The following STARD13 variants were observed in gnomAD, a reference collection of about 807,000 sequenced individuals.
STARD13 encodes the protein stAR-related lipid transfer protein 13.
A neutral mutation model predicts 106.4 loss-of-function variants in STARD13; 62 were observed. The ratio of observed to expected loss-of-function variants is 0.58; its 90% confidence interval spans 0.48 to 0.72. The LOEUF (loss-of-function observed/expected upper bound fraction) is 0.72, where lower values mean the gene tolerates loss of function less well. STARD13 is among the 30% of genes least tolerant of loss of function. The probability of loss-of-function intolerance (pLI) is 0.00; values close to 1 mark genes in which losing one functional copy is unlikely to be tolerated. For synonymous variants in STARD13, 565 were observed against 553.0 expected, an observed-to-expected ratio of 1.02 and a Z score of -0.31; for missense variants, 1,387 against 1,424.0, an observed-to-expected ratio of 0.97 and a Z score of 0.42.
the STARD13 span, among the ~76,000 whole-genome samples, chr13:33,667,667 A>G: frequency 1.3e-5 from 2 of 152,248 alleles, no homozygotes; most frequent in East Asian, 1.9e-4. Flanking sequence ...ACCACTTGCT[A>G]TCAGTTGTAA....
intron 1 of STARD13, among the ~76,000 whole-genome samples, chr13:33,222,709 T>C (rs1408022337): frequency 6.6e-6 from 1 of 152,216 alleles, no homozygotes; most frequent in Non-Finnish European, 1.5e-5. Flanking sequence ...ATGTTAGAGA[T>C]GAAGAAGAAA....
chr13:33,501,402 G>A, the STARD13 span, among the ~76,000 whole-genome samples: 4 of 152,080 alleles, frequency 2.6e-5, no homozygotes, highest in African/African-American at 7.2e-5. Context: ...GATCCCATTT[G>A]TCTATTTTGG....
At chr13:33,656,627 G>A in the STARD13 span, among the ~76,000 whole-genome samples, 2 of 152,186 alleles carry the variant, frequency 1.3e-5, no homozygotes, top group Admixed American at 6.5e-5. Flanking sequence ...CTTAAACCAG[G>A]AATGGAAATT....
the STARD13 span, among the ~76,000 whole-genome samples, chr13:33,414,680 G>T: frequency 6.6e-6 from 1 of 152,170 alleles, no homozygotes; most frequent in Admixed American, 6.5e-5. Flanking sequence ...ACGGAAAACA[G>T]AACAGGAGGA....
chr13:33,434,631 T>A, the STARD13 span, among the ~76,000 whole-genome samples: 2 of 152,208 alleles, frequency 1.3e-5, no homozygotes, highest in African/African-American at 4.8e-5. Context: ...AATTACTCTC[T>A]TCAAACTGGG....
chr13:33,633,096 T>A, the STARD13 span, among the ~76,000 whole-genome samples: 1 of 152,188 alleles, frequency 6.6e-6, no homozygotes, highest in African/African-American at 2.4e-5. Context: ...TAAATAACAA[T>A]AATGATAAAA....
chr13:33,220,300 ACT>A (rs554717868), intron 1 of STARD13, among the ~76,000 whole-genome samples: 26 of 152,324 alleles, frequency 1.7e-4, no homozygotes, highest in African/African-American at 6.0e-4. Context: ...CATGGAAATA[ACT>A]CTAATTATTT....
the STARD13 span, among the ~76,000 whole-genome samples, chr13:33,513,889 C>T: frequency 9.2e-5 from 14 of 152,080 alleles, no homozygotes; most frequent in East Asian, 3.9e-4. Flanking sequence ...ACTTTATTCA[C>T]GTAACGTAAC....
chr13:33,572,757 A>G, the STARD13 span, among the ~76,000 whole-genome samples: 1 of 152,216 alleles, frequency 6.6e-6, no homozygotes, highest in Non-Finnish European at 1.5e-5. Context: ...GGAACTGGAT[A>G]CACATCAAGT....
chr13:33,281,382 T>C (rs1055286701), intron 1 of STARD13: 2 of 151,772 alleles, frequency 1.3e-5, no homozygotes, highest in African/African-American at 2.4e-5. Flanking sequence ...TTTATGTTTC[T>C]ACTTACATTT....
chr13:33,371,579 A>G, the STARD13 span, among the ~76,000 whole-genome samples: 95 of 152,316 alleles, frequency 6.2e-4, no homozygotes, highest in Non-Finnish European at 1.2e-3. Context: ...GTGATGCGCA[A>G]TAGTAAAAAC....
intron 3 of STARD13, among the ~76,000 whole-genome samples, chr13:33,154,121 T>A (rs1418930984): frequency 6.6e-6 from 1 of 151,966 alleles, no homozygotes; most frequent in Non-Finnish European, 1.5e-5. Flanking sequence ...TCCATGAGGG[T>A]GGGGCCTTTC....
chr13:33,366,703 C>T, the STARD13 span, among the ~76,000 whole-genome samples: 9 of 152,232 alleles, frequency 5.9e-5, no homozygotes, highest in Non-Finnish European at 8.8e-5. The surrounding 1 kb of genome is among the most constrained non-coding windows in gnomAD (Gnocchi z 4.2). Context: ...TAGTATTGTC[C>T]GGCTATTTTA....
chr13:33,543,172 G>A, the STARD13 span, among the ~76,000 whole-genome samples: 1 of 152,152 alleles, frequency 6.6e-6, no homozygotes, highest in Non-Finnish European at 1.5e-5. Flanking sequence ...TTTGAGGACT[G>A]GGACCCTGTA....
At chr13:33,163,607 T>A (rs961286223) in intron 3 of STARD13, among the ~76,000 whole-genome samples, 2,859 of 52,356 alleles carry the variant, frequency 0.055, 140 homozygotes, top group East Asian at 0.12. Flanking sequence ...AAAAAAAAAA[T>A]ATATATATAT....
the STARD13 span, among the ~76,000 whole-genome samples, chr13:33,461,546 A>G: frequency 6.6e-6 from 1 of 152,198 alleles, no homozygotes; most frequent in African/African-American, 2.4e-5. Flanking sequence ...TGCCTTTTCC[A>G]TAGTAGCAGA....
At chr13:33,142,413 G>T in intron 3 of STARD13, 40 bp from the exon 4 acceptor site, 1 of 1,537,504 alleles carries the variant, frequency 6.5e-7, no homozygotes, top group African/African-American at 1.4e-5. Flanking sequence ...TTTCACTAAT[G>T]AATTTAAATC....
intron 2 of STARD13, among the ~76,000 whole-genome samples, chr13:33,166,503 C>A (rs949506180): frequency 6.6e-5 from 10 of 152,126 alleles, no homozygotes; most frequent in African/African-American, 1.9e-4. Flanking sequence ...TCGTGGCCAC[C>A]CCCTGTCCTG....
chr13:33,389,177 C>T, the STARD13 span, among the ~76,000 whole-genome samples: 5 of 151,868 alleles, frequency 3.3e-5, no homozygotes, highest in Admixed American at 1.3e-4. Context: ...AGTCTGGTCT[C>T]GACCTCCTGA....
Sources: gnomAD v4.1 joint callset for allele counts (sites outside exome capture counted in the v4.1 genomes callset) on GRCh38, gnomAD v4.1.1 for gene constraint, Gnocchi (gnomAD v3.1) non-coding constraint, MANE v1.5 for transcripts, NCBI Gene and HGNC (gene_info 2026-07-23, HGNC 2026-07-21) for gene names.